SVEP1: variants seen among roughly 807,000 people sequenced by gnomAD.
SVEP1 encodes the protein sushi, von Willebrand factor type A, EGF and pentraxin domain-containing protein 1.
In SVEP1, 164 loss-of-function variants were observed where a neutral mutation model predicts 367.3. The observed-to-expected ratio is 0.45, with a 90% CI of 0.39 to 0.51. The LOEUF (loss-of-function observed/expected upper bound fraction) is 0.51. Ranked by LOEUF, SVEP1 falls within the 20% of genes least tolerant of loss-of-function variation. SVEP1 has a pLI of 0.00. For missense variants in SVEP1, 4,117 were observed against 4,425.3 expected (o/e 0.93, Z 1.98); for synonymous variants, 1,666 against 1,611.6 (o/e 1.03, Z -0.81).
intron 3 of SVEP1, among the ~76,000 whole-genome samples, chr9:110,538,634 G>C (rs1830107510): frequency 6.6e-6 from 1 of 152,088 alleles, no homozygotes; most frequent in Non-Finnish European, 1.5e-5. Flanking sequence ...AAATAATATA[G>C]CTGGAGCTTT....
In SVEP1 at chr9:110,408,596, A is replaced by G. The variant is rs779741175; in HGVS notation, c.7004T>C (p.Leu2335Ser). 1.2e-6 allele frequency: 2 copies of G among 1,613,676 alleles called. No homozygotes were observed. The highest frequency in any genetic ancestry group is 1.7e-6 in the Non-Finnish European group (2 of 1,179,818). ...EPPLLENQLVLKELTTEVGVV... is the reference protein window; with the variant it reads ...EPPLLENQLVSKELTTEVGVV... ...TCCTACCTCGGTGGTCAACTCCTTT[A>G]ATACTAGCTGGTTTTCCAAGAGGGG... Residue 2335 changes from leucine to serine, a missense_variant, in exon 38 of 48, where the codon TTA becomes TCA. Leu to Ser is a moderately radical substitution (Grantham distance 145). Transcript: ENST00000374469.
rs145414894 is a variant in SVEP1, at chr9:110,436,540, C to T, written c.4640-36G>A. 7.1e-5 allele frequency: 113 copies of T among 1,601,076 alleles called. No homozygotes were observed. The African/African-American group carries it at 1.2e-3, about 18-fold the overall frequency. On this transcript the variant is annotated intron_variant, in intron 27 of 47. Coordinates refer to ENST00000374469, the MANE Select transcript of SVEP1 (RefSeq NM_153366.4). ...AGAAAGAGAAAGAAAAGGAGGAAAA[C>T]TGGCCTGATGGTCTGTTATTCCTAA...
At position 110,434,444 on chromosome 9, in the gene SVEP1, C is replaced by G. The variant is rs1359651343; in HGVS notation, c.4951G>C (p.Gly1651Arg). ...LRTASEDLKP[G>R]SKVNLFCDPG... ...TCACAGAACAGATTGACTTTGGAAC[C>G]TGGCTTTAAATCTTCAGATGCAGTT... is the stretch of plus-strand genomic sequence containing the variant. The change falls in exon 30 of 48, where the codon GGT (glycine) becomes CGT (arginine). Residue 1651 changes from glycine to arginine, a missense_variant. By Grantham distance (125) the Gly-to-Arg change is moderately radical. This residue lies in a region of SVEP1 where 2,174 missense variants were observed against 2,494.3 expected (regional missense o/e 0.87). Coordinates refer to ENST00000374469, the MANE Select transcript of SVEP1 (RefSeq NM_153366.4). 5.0e-6 allele frequency: 8 copies of G among 1,613,558 alleles called. No homozygotes were observed. The Admixed American group carries it at 5.0e-5, about 10-fold the overall frequency.
At chr9:110,479,344 T>C (rs1424628486) in intron 13 of SVEP1, among the ~76,000 whole-genome samples, 2 of 152,212 alleles carry the variant, frequency 1.3e-5, no homozygotes. Flanking sequence ...CCACCTACAA[T>C]GTTTGGCATT....
At position 110,579,171 on chromosome 9, in the gene SVEP1, C is replaced by A. The variant is rs757179390; in HGVS notation, c.373G>T (p.Val125Leu). The A allele has an allele frequency of 6.4e-7, 1 of 1,565,928 alleles. No individual in the cohort carries two copies. The highest frequency in any genetic ancestry group is 1.4e-5 in the African/African-American group (1 of 73,698). The change falls in exon 1 of 48, where the codon GTG becomes TTG. Residue 125 changes from valine (V) to leucine (L), a missense_variant. Val to Leu is a conservative substitution (Grantham distance 32). Transcript: ENST00000374469. The surrounding 1 kb of genome is among the most constrained non-coding windows in gnomAD (Gnocchi z 5.3). ...ACGTAGTTCTTGGACGAGAAGGTCA[C>A]GATGGCCACGCGCGTGGCCGTGGGC... ...VVPTATRVAI[V>L]TFSSKNYVVP... is the part of the protein sequence containing the mutation.
intron 5 of SVEP1, among the ~76,000 whole-genome samples, chr9:110,506,742 G>T (rs1172496302): frequency 6.6e-6 from 1 of 152,030 alleles, no homozygotes; most frequent in Non-Finnish European, 1.5e-5. Context: ...GGGTTTCCAA[G>T]CAGGGGAAGG....
chr9:110,566,370 A>T (rs1168969626), intron 1 of SVEP1, among the ~76,000 whole-genome samples: 2 of 142,690 alleles, frequency 1.4e-5, no homozygotes, highest in Non-Finnish European at 3.1e-5. Flanking sequence ...AAATAAATAA[A>T]TAATAACCTA....
At chr9:110,466,152 C>T (rs1828933775) in intron 17 of SVEP1, 126 bp from the exon 18 acceptor site, 1 of 970,998 alleles carries the variant, frequency 1.0e-6, no homozygotes, top group Admixed American at 2.9e-5. Context: ...ACCCAGAGAG[C>T]TCTTTCTCCT....
At chr9:110,479,514 G>T (rs1829151937) in intron 13 of SVEP1, 121 bp downstream of exon 13, 1 of 1,136,376 alleles carries the variant, frequency 8.8e-7, no homozygotes, top group Non-Finnish European at 1.2e-6. Context: ...TTAAATATTA[G>T]GTACATGTCT....
At chr9:110,566,708 A>G (rs1830498344) in intron 1 of SVEP1, among the ~76,000 whole-genome samples, 1 of 152,222 alleles carries the variant, frequency 6.6e-6, no homozygotes, top group African/African-American at 2.4e-5. Flanking sequence ...AAGAGCAGAA[A>G]AAGAACTATC....
At chr9:110,459,813 G>A (rs12351600) in intron 18 of SVEP1, among the ~76,000 whole-genome samples, 43 of 152,000 alleles carry the variant, frequency 2.8e-4, no homozygotes, top group Non-Finnish European at 4.6e-4. Context: ...GGGTGAAAAC[G>A]GAATTAGTTA....
intron 5 of SVEP1, among the ~76,000 whole-genome samples, chr9:110,505,467 C>A (rs1588084588): frequency 6.6e-6 from 1 of 152,262 alleles, no homozygotes; most frequent in African/African-American, 2.4e-5. Flanking sequence ...AGTTAATCCC[C>A]TCATATCCTA....
chr9:110,383,834 T>C (rs906305771), intron 43 of SVEP1, among the ~76,000 whole-genome samples: 15 of 112,248 alleles, frequency 1.3e-4, no homozygotes, highest in African/African-American at 5.4e-4. Context: ...AGGTCCTGCT[T>C]AGCGAGGAGG....
chr9:110,377,139 G>A, intron 45 of SVEP1, 132 bp downstream of exon 45: 1 of 668,070 alleles, frequency 1.5e-6, no homozygotes, highest in African/African-American at 1.8e-5. Context: ...TATGTGCTCT[G>A]TTTGGTGTGG....
chr9:110,517,590 G>A (rs1416245863), intron 3 of SVEP1, among the ~76,000 whole-genome samples: 16 of 111,568 alleles, frequency 1.4e-4, no homozygotes, highest in Non-Finnish European at 1.3e-4. Flanking sequence ...TGAGCAAGAC[G>A]CTATCTCAAA....
At chr9:110,496,453 A>G (rs888606696) in intron 8 of SVEP1, among the ~76,000 whole-genome samples, 1 of 152,164 alleles carries the variant, frequency 6.6e-6, no homozygotes, top group Non-Finnish European at 1.5e-5. Context: ...TCAGACTCCA[A>G]GTTCTTCAGC....
intron 16 of SVEP1, 59 bp from the exon 17 acceptor site, chr9:110,469,160 T>A: frequency 6.8e-7 from 1 of 1,479,434 alleles, no homozygotes; most frequent in Non-Finnish European, 9.1e-7. Flanking sequence ...CACACTGGGC[T>A]TTTTTTTCCT....
chr9:110,392,153 A>ATATATATATATATATATATATATC (rs1564128252), intron 40 of SVEP1, among the ~76,000 whole-genome samples: 1 of 147,726 alleles, frequency 6.8e-6, no homozygotes, highest in Non-Finnish European at 1.5e-5. Flanking sequence ...ATATATATAT[A>ATATATATATATATATATATATATC]TCTCTTCTCT....
chr9:110,503,288 A>G lies in SVEP1; in HGVS notation c.1304-71T>C, dbSNP rs1829568462. 4 of 1,465,320 alleles carry G rather than the reference A, an allele frequency of 2.7e-6. No homozygotes were observed. In the South Asian group the frequency reaches 5.3e-5, roughly 19 times the overall value. The allele number at this position is 1,465,320 out of a possible 1,614,324, so 90.8% of individuals were successfully genotyped here. A position where few individuals can be genotyped will look rare whatever the true frequency, so the allele number is the denominator to read the frequency against. On this transcript the variant is annotated intron_variant, in intron 5 of 47. Coordinates refer to ENST00000374469, the MANE Select transcript of SVEP1 (RefSeq NM_153366.4). ...TAAAAATAATAATTACAAGTTTAGC[A>G]ATGCCTGCACATTGCAAGCAAGACA... is the stretch of plus-strand genomic sequence containing the variant.
Sources: allele counts gnomAD v4.1 joint callset (sites outside exome capture counted in the v4.1 genomes callset), GRCh38; gene constraint gnomAD v4.1.1; regional missense constraint gnomAD v4.1.1; non-coding constraint Gnocchi (gnomAD v3.1); transcripts MANE v1.5; gene names NCBI Gene and HGNC (gene_info 2026-07-23, HGNC 2026-07-21).